The following ANKS1B variants were observed in gnomAD, a reference collection of about 807,000 sequenced individuals.
ANKS1B encodes the protein ankyrin repeat and sterile alpha motif domain-containing protein 1B.
In ANKS1B, 36 loss-of-function variants were observed where a neutral mutation model predicts 148.3. That is an observed-to-expected ratio of 0.24 (90% CI 0.19 to 0.32). ANKS1B has a LOEUF of 0.32. Ranked by LOEUF, ANKS1B falls within the 10% of genes least tolerant of loss-of-function variation. The pLI is 1.00. For missense variants in ANKS1B, 1,157 were observed against 1,542.6 expected, an observed-to-expected ratio of 0.75 and a Z score of 4.19; for synonymous variants, 542 against 560.8, an observed-to-expected ratio of 0.97 and a Z score of 0.47.
At chr12:99,197,617 C>T (rs577222354) in intron 14 of ANKS1B, among the ~76,000 whole-genome samples, 1 of 152,280 alleles carries the variant, frequency 6.6e-6, no homozygotes, top group South Asian at 2.1e-4. Flanking sequence ...GAATCTCTTC[C>T]AGATTCAGAT....
At chr12:98,894,949 G>A in intron 17 of ANKS1B, 2 of 865,286 alleles carry the variant, frequency 2.3e-6, no homozygotes, top group Non-Finnish European at 2.8e-6. Flanking sequence ...GCGCGCCCTC[G>A]CACCCGCCCG....
At chr12:99,789,626 A>C (rs1250125536) in intron 4 of ANKS1B, among the ~76,000 whole-genome samples, 2 of 152,210 alleles carry the variant, frequency 1.3e-5, no homozygotes, top group Non-Finnish European at 2.9e-5. Flanking sequence ...ATTAAAAAGA[A>C]TCAAGCAAAA....
At chr12:99,834,804 C>T (rs534066300) in intron 1 of ANKS1B, among the ~76,000 whole-genome samples, 88 of 152,298 alleles carry the variant, frequency 5.8e-4, no homozygotes, top group African/African-American at 2.1e-3. Flanking sequence ...ACCCCTGACA[C>T]ATGAGATCAC....
At chr12:99,605,898 G>A (rs995193079) in intron 9 of ANKS1B, among the ~76,000 whole-genome samples, 3 of 151,832 alleles carry the variant, frequency 2.0e-5, no homozygotes, top group African/African-American at 7.3e-5. Flanking sequence ...TTAATTTTTT[G>A]ATGGAATTCC....
intron 6 of ANKS1B, among the ~76,000 whole-genome samples, chr12:99,776,545 T>C (rs971256442): frequency 1.8e-4 from 27 of 152,208 alleles, no homozygotes; most frequent in Non-Finnish European, 3.5e-4. Context: ...TGTTAACCAA[T>C]ATTCAGCCTC....
chr12:99,569,526 T>A (rs958339048), intron 9 of ANKS1B, among the ~76,000 whole-genome samples: 32 of 152,200 alleles, frequency 2.1e-4, no homozygotes, highest in Non-Finnish European at 4.4e-5. Context: ...AAAACTAAAA[T>A]GTAGGAACAG....
chr12:98,818,534 T>C (rs1354336770), intron 19 of ANKS1B, among the ~76,000 whole-genome samples: 1 of 152,336 alleles, frequency 6.6e-6, no homozygotes, highest in East Asian at 1.9e-4. Flanking sequence ...ATTGGGATCA[T>C]GCTGTTTATA....
intron 22 of ANKS1B, chr12:98,794,861 A>G (rs1593915810): frequency 6.2e-7 from 1 of 1,604,540 alleles, no homozygotes; most frequent in East Asian, 2.2e-5. Context: ...AAAGAAGTCA[A>G]GCAAAACATC....
intron 12 of ANKS1B, among the ~76,000 whole-genome samples, chr12:99,325,890 T>C (rs2086213606): frequency 6.6e-6 from 1 of 152,028 alleles, no homozygotes; most frequent in South Asian, 2.1e-4. Flanking sequence ...GGGTAATTTA[T>C]AAAGGAAAGA....
intron 9 of ANKS1B, among the ~76,000 whole-genome samples, chr12:99,603,372 T>G (rs1265307964): frequency 6.6e-6 from 1 of 152,120 alleles, no homozygotes; most frequent in Non-Finnish European, 1.5e-5. Flanking sequence ...TCCTGAGGTT[T>G]CAGGGCTGTC....
chr12:99,710,845 T>A (rs965364221), intron 8 of ANKS1B, among the ~76,000 whole-genome samples: 1 of 152,158 alleles, frequency 6.6e-6, no homozygotes, highest in African/African-American at 2.4e-5. Context: ...GGGGAGCATA[T>A]AATTAACAAA....
intron 8 of ANKS1B, among the ~76,000 whole-genome samples, chr12:99,741,675 C>T (rs968156690): frequency 2.0e-5 from 3 of 151,976 alleles, no homozygotes; most frequent in African/African-American, 7.3e-5. Flanking sequence ...TGTTCTCACT[C>T]ATAAGTGGAA....
intron 12 of ANKS1B, among the ~76,000 whole-genome samples, chr12:99,356,312 C>A (rs1034237148): frequency 1.3e-5 from 2 of 152,126 alleles, no homozygotes; most frequent in African/African-American, 4.8e-5. Context: ...AATCTGCTCT[C>A]TAGAATGCCA....
In ANKS1B at chr12:98,892,151, C is replaced by T. The variant is rs568356731; in HGVS notation, c.2779-60015G>A. On this transcript the variant is annotated intron_variant, in intron 17 of 26. Transcript: ENST00000683438. Reference sequence around the variant, plus strand: ...GCCAGCATCTGGTCAGAAATGAGGGCATCAATAAACTCTCCTTGGTGTTTC... The same window carrying T: ...GCCAGCATCTGGTCAGAAATGAGGGTATCAATAAACTCTCCTTGGTGTTTC... Among the ~76,000 whole-genome samples, 8 of 152,304 alleles carry T rather than the reference C, an allele frequency of 5.3e-5. No homozygotes were observed. In the East Asian group the frequency reaches 7.7e-4, roughly 15 times the overall value.
At chr12:99,913,311 A>T (rs2094064733) in intron 1 of ANKS1B, among the ~76,000 whole-genome samples, 1 of 152,212 alleles carries the variant, frequency 6.6e-6, no homozygotes, top group Admixed American at 6.5e-5. Flanking sequence ...CAGCAAACAG[A>T]AGTAGAAACA....
At position 98,781,103 on chromosome 12, in the gene ANKS1B, G is replaced by C; in HGVS notation, c.3441+14C>G. ...GCATCTGGTGTCTAAACCAGAGAGAGGAGTGGTACTTACCTTATTTGTTGC... is the reference window on the plus strand; with the variant it reads ...GCATCTGGTGTCTAAACCAGAGAGACGAGTGGTACTTACCTTATTTGTTGC... On this transcript the variant is annotated intron_variant, in intron 24 of 26. Coordinates refer to ENST00000683438, the MANE Select transcript of ANKS1B (RefSeq NM_001352186.2). The C allele has an allele frequency of 6.6e-7, 1 of 1,506,618 alleles. No individual in the cohort carries two copies. The highest frequency in any genetic ancestry group is 1.4e-5 in the African/African-American group (1 of 72,688). 93.3% of individuals were successfully genotyped at this position (1,506,618 alleles called of 1,614,324 possible).
intron 12 of ANKS1B, among the ~76,000 whole-genome samples, chr12:99,312,179 C>A (rs991030010): frequency 6.6e-6 from 1 of 152,100 alleles, no homozygotes; most frequent in South Asian, 2.1e-4. Context: ...CAGTTTTGCA[C>A]AAAGGGCTAT....
At chr12:98,797,901 A>G (rs2098964462) in intron 22 of ANKS1B, among the ~76,000 whole-genome samples, 1 of 152,202 alleles carries the variant, frequency 6.6e-6, no homozygotes, top group South Asian at 2.1e-4. Flanking sequence ...ATGACCTTAA[A>G]TTTGACTTTA....
At chr12:99,494,626 G>A (rs71462280) in intron 10 of ANKS1B, among the ~76,000 whole-genome samples, 4 of 151,290 alleles carry the variant, frequency 2.6e-5, no homozygotes, top group African/African-American at 4.9e-5. Flanking sequence ...CCAGCTACTC[G>A]GGAGGCTGAG....
Sources: allele counts gnomAD v4.1 joint callset (sites outside exome capture counted in the v4.1 genomes callset), GRCh38; gene constraint gnomAD v4.1.1; transcripts MANE v1.5; gene names NCBI Gene and HGNC (gene_info 2026-07-23, HGNC 2026-07-21).